SCN1A: variants seen among roughly 807,000 people sequenced by gnomAD.
SCN1A encodes sodium channel protein type 1 subunit alpha.
In SCN1A, 13 loss-of-function variants were observed where a neutral mutation model predicts 193.7. The ratio of observed to expected loss-of-function variants is 0.07; its 90% CI spans 0.04 to 0.11. SCN1A has a LOEUF of 0.11. SCN1A is among the 10% of genes least tolerant of loss of function. The probability of loss-of-function intolerance (pLI) is 1.00; values close to 1 mark genes in which losing one functional copy is unlikely to be tolerated. For synonymous variants in SCN1A, 781 were observed against 843.6 expected (o/e 0.93, Z 1.29); for missense variants, 1,432 against 2,451.1 (o/e 0.58, Z 8.78).
At chr2:166,139,154 A>G (rs188358916) in intron 1 of SCN1A, among the ~76,000 whole-genome samples, 4,240 of 150,546 alleles carry the variant, frequency 0.028, 207 homozygotes, top group African/African-American at 0.098. Flanking sequence ...ACTTGCCTTG[A>G]GACTTTGGAT....
intron 3 of SCN1A, 105 bp downstream of exon 3, chr2:166,077,604 AT>A: frequency 6.6e-6 from 1 of 152,030 alleles, no homozygotes. Context: ...AGAAGCTCAC[AT>A]TCATTGCTGG....
At position 166,054,700 on chromosome 2, in the gene SCN1A, T is replaced by C; in HGVS notation, c.540A>G (p.Leu180=). The change falls in exon 7 of 29, where the codon TTA becomes TTG. Residue 180 remains leucine (L), a synonymous_variant. Coordinates refer to ENST00000674923, the MANE Select transcript of SCN1A (RefSeq NM_001165963.4). ...LIKIIARGFC[L]EDFTFLRDPW... is the part of the protein sequence containing the mutation. ...GATCCCGAAGGAAAGTAAAATCTTC[T>C]AAACAGAATCCCCTTGCAATAATTT... 6.2e-7 allele frequency: 1 copy of C among 1,612,150 alleles called. No homozygotes were observed. The highest frequency in any genetic ancestry group is 8.5e-7 in the Non-Finnish European group (1 of 1,178,696).
Position 166,051,874 on chromosome 2 carries a change from A to G in SCN1A, c.809T>C (p.Met270Thr), listed in dbSNP as rs1444023925. 6.2e-7 allele frequency: 1 copy of G among 1,612,710 alleles called. No homozygotes were observed. The highest frequency in any genetic ancestry group is 8.5e-7 in the Non-Finnish European group (1 of 1,179,074). ...TATACATTTATTCCTCAGGTTGCCC[A>G]TGAACAGCTGCAGCCCAATTAGAGC... The part of the protein sequence containing the change: ...VFALIGLQLF[M>T]GNLRNKCIQW... The change falls in exon 9 of 29, where the codon ATG becomes ACG. Residue 270 changes from methionine to threonine, a missense_variant. Around this residue, in one of 18 missense-constraint regions of SCN1A, gnomAD observed 123 missense variants for 282.8 expected, o/e 0.43. Coordinates refer to ENST00000674923, the MANE Select transcript of SCN1A (RefSeq NM_001165963.4).
chr2:165,984,975 A>G (rs968624144), downstream of SCN1A: 1 of 152,156 alleles, frequency 6.6e-6, no homozygotes, highest in African/African-American at 2.4e-5. Flanking sequence ...TATTTCTTTT[A>G]ATTTTAACCA....
At chr2:166,038,854 A>G (rs963909062) in intron 17 of SCN1A, among the ~76,000 whole-genome samples, 7 of 152,190 alleles carry the variant, frequency 4.6e-5, no homozygotes, top group Non-Finnish European at 8.8e-5. Context: ...AGGGGTATTC[A>G]TGTAGTTACA....
intron 4 of SCN1A, 97 bp from the exon 5 acceptor site, chr2:166,058,785 G>A (rs1699380437): frequency 1.3e-6 from 1 of 766,978 alleles, no homozygotes; most frequent in Non-Finnish European, 2.3e-6. Flanking sequence ...TTATTGTAAA[G>A]TTAAATGAGA....
chr2:166,114,406 G>A (rs372776006), intron 2 of SCN1A, among the ~76,000 whole-genome samples: 4 of 152,272 alleles, frequency 2.6e-5, no homozygotes, highest in South Asian at 2.1e-4. Context: ...TACTCCCAGT[G>A]AGGACCAGAA....
intron 21 of SCN1A, 45 bp from the exon 22 acceptor site, chr2:166,012,327 T>C (rs779411532): frequency 6.9e-7 from 1 of 1,448,358 alleles, no homozygotes; most frequent in Middle Eastern, 1.8e-4. Context: ...AAAATAATTA[T>C]ACTCCATAAG....
intron 2 of SCN1A, among the ~76,000 whole-genome samples, chr2:166,098,114 C>G (rs1433994886): frequency 6.6e-6 from 1 of 152,054 alleles, no homozygotes; most frequent in African/African-American, 2.4e-5. Context: ...ACACAAAAAT[C>G]CTCAACAAAA....
intron 2 of SCN1A, among the ~76,000 whole-genome samples, chr2:166,088,670 C>G (rs1424331084): frequency 6.6e-6 from 1 of 152,164 alleles, no homozygotes; most frequent in East Asian, 1.9e-4. Flanking sequence ...ATCTCACCTG[C>G]TACCCTACAT....
At chr2:166,106,046 GC>G (rs1192491777) in intron 2 of SCN1A, among the ~76,000 whole-genome samples, 1 of 152,192 alleles carries the variant, frequency 6.6e-6, no homozygotes, top group African/African-American at 2.4e-5. Context: ...AATGAGCCGG[GC>G]TGGGTGGCAA....
chr2:166,042,539 T>C, intron 14 of SCN1A, 115 bp from the exon 15 acceptor site: 1 of 919,626 alleles, frequency 1.1e-6, no homozygotes, highest in South Asian at 1.4e-5. Flanking sequence ...ACTTTCATAT[T>C]CAATTGGTGA....
At chr2:166,021,792 G>C (rs1694105696) in intron 19 of SCN1A, among the ~76,000 whole-genome samples, 1 of 152,090 alleles carries the variant, frequency 6.6e-6, no homozygotes, top group Admixed American at 6.5e-5. Context: ...AAAGGCATCT[G>C]TCCTACTAAT....
chr2:166,080,841 T>G (rs1271882624), intron 2 of SCN1A, among the ~76,000 whole-genome samples: 2 of 152,020 alleles, frequency 1.3e-5, no homozygotes, highest in East Asian at 3.9e-4. Context: ...TAATATCATC[T>G]GGTAATATCT....
intron 2 of SCN1A, among the ~76,000 whole-genome samples, chr2:166,083,878 G>C (rs1359693983): frequency 6.6e-6 from 1 of 152,144 alleles, no homozygotes; most frequent in Non-Finnish European, 1.5e-5. Flanking sequence ...TTTTAGTAAA[G>C]TTTTCCTGTT....
At chr2:166,083,228 CAAT>C (rs1371790514) in intron 2 of SCN1A, among the ~76,000 whole-genome samples, 3 of 151,964 alleles carry the variant, frequency 2.0e-5, no homozygotes, top group African/African-American at 7.2e-5. Context: ...TTTGATTTCT[CAAT>C]AAGCCAATTT....
intron 9 of SCN1A, among the ~76,000 whole-genome samples, chr2:166,051,281 C>G (rs1698525280): frequency 6.6e-6 from 1 of 151,736 alleles, no homozygotes; most frequent in Admixed American, 6.6e-5. Flanking sequence ...TCTTTTAGTT[C>G]CAGAAATATA....
At chr2:166,116,606 ATGAATTAT>A (rs1689895958) in intron 2 of SCN1A, among the ~76,000 whole-genome samples, 1 of 2,740 alleles carries the variant, frequency 3.6e-4, no homozygotes, top group Non-Finnish European at 1.6e-3. Context: ...CCAGAATCTG[ATGAATTAT>A]CAAATTCATC....
intron 19 of SCN1A, among the ~76,000 whole-genome samples, chr2:166,033,558 A>G (rs1409956736): frequency 1.3e-5 from 2 of 152,132 alleles, no homozygotes; most frequent in Non-Finnish European, 2.9e-5. Flanking sequence ...TAACTAAACT[A>G]TGACTCACAA....
Sources: allele counts gnomAD v4.1 joint callset (sites outside exome capture counted in the v4.1 genomes callset), GRCh38; gene constraint gnomAD v4.1.1; regional missense constraint gnomAD v4.1.1; transcripts MANE v1.5; gene names NCBI Gene and HGNC (gene_info 2026-07-23, HGNC 2026-07-21).